Variants in KMT2E observed in about 807,000 individuals in gnomAD.
KMT2E encodes histone reader KMT2E.
In KMT2E, 30 loss-of-function variants were observed where a neutral mutation model predicts 184.6. The ratio of observed to expected loss-of-function variants is 0.16; its 90% CI spans 0.12 to 0.22. The LOEUF (loss-of-function observed/expected upper bound fraction) is 0.22, where lower values mean the gene tolerates loss of function less well. Among genes scored for constraint, KMT2E ranks in the 10% least tolerant of loss-of-function variants. The pLI is 1.00. For missense variants in KMT2E, 2,023 were observed against 2,237.4 expected (o/e 0.90, Z 1.93); for synonymous variants, 815 against 776.5 (o/e 1.05, Z -0.82).
chr7:105,073,361 C>T (rs908604389), intron 6 of KMT2E, among the ~76,000 whole-genome samples: 4 of 148,602 alleles, frequency 2.7e-5, no homozygotes, highest in African/African-American at 5.0e-5. Flanking sequence ...TGCATCACTG[C>T]ACTCCAGCCT....
intron 13 of KMT2E, among the ~76,000 whole-genome samples, chr7:105,087,230 C>T (rs1040122998): frequency 1.4e-5 from 2 of 140,794 alleles, no homozygotes; most frequent in Non-Finnish European, 3.0e-5. Context: ...ATTATATAAG[C>T]ATATATATAA....
At chr7:105,097,524 T>G (rs1798461088) in intron 15 of KMT2E, among the ~76,000 whole-genome samples, 2 of 152,148 alleles carry the variant, frequency 1.3e-5, no homozygotes, top group African/African-American at 2.4e-5. Flanking sequence ...TAGCTGGGAT[T>G]ACAGGTGCCC....
At chr7:105,057,060 C>T (rs1221520109) in intron 3 of KMT2E, among the ~76,000 whole-genome samples, 1 of 152,180 alleles carries the variant, frequency 6.6e-6, no homozygotes, top group African/African-American at 2.4e-5. Flanking sequence ...ATAAGTGCTT[C>T]ATGAATCCTA....
intron 12 of KMT2E, among the ~76,000 whole-genome samples, 173 bp downstream of exon 12, chr7:105,079,136 C>CTT (rs375440773): frequency 5.9e-5 from 8 of 135,710 alleles, no homozygotes; most frequent in East Asian, 2.1e-4. Flanking sequence ...GCTATGAAGT[C>CTT]TTTTTTTTTT....
At chr7:105,068,117 T>TA (rs1416056903) in intron 6 of KMT2E, among the ~76,000 whole-genome samples, 2 of 152,188 alleles carry the variant, frequency 1.3e-5, no homozygotes, top group African/African-American at 4.8e-5. Context: ...TGGTTACCAT[T>TA]ACAGTGTGCA....
intron 3 of KMT2E, among the ~76,000 whole-genome samples, chr7:105,043,463 C>G (rs1372962228): frequency 1.3e-5 from 2 of 151,870 alleles, no homozygotes; most frequent in Non-Finnish European, 2.9e-5. Flanking sequence ...GTCTCGATCT[C>G]CTGACCTCGT....
At chr7:105,077,477 A>T (rs375853116) in intron 11 of KMT2E, 44 bp downstream of exon 11, 1 of 1,519,740 alleles carries the variant, frequency 6.6e-7, no homozygotes, top group Non-Finnish European at 9.0e-7. Context: ...GTAGGTAAAT[A>T]TTGAACTTTT....
At chr7:105,108,420 A>G (rs1799006327) in intron 22 of KMT2E, 1 of 318,290 alleles carries the variant, frequency 3.1e-6, no homozygotes. Context: ...TTTGGTTGGC[A>G]GACATACTGA....
intron 12 of KMT2E, among the ~76,000 whole-genome samples, chr7:105,080,191 G>A (rs1562913655): frequency 6.6e-6 from 1 of 152,144 alleles, no homozygotes; most frequent in East Asian, 1.9e-4. Flanking sequence ...TCTATTTATG[G>A]CTCAATACAT....
intron 12 of KMT2E, among the ~76,000 whole-genome samples, chr7:105,079,936 G>C (rs1182858073): frequency 2.0e-5 from 3 of 151,812 alleles, no homozygotes; most frequent in Admixed American, 2.0e-4. Context: ...TGGGCCTTTA[G>C]GAGGTAAAGT....
chr7:105,114,025 C>T lies in KMT2E; in HGVS notation c.*692C>T, dbSNP rs1426444081. The T allele has an allele frequency of 6.6e-6, 1 of 152,590 alleles. No homozygotes were observed. Among genetic ancestry groups the T allele is most frequent in the Non-Finnish European group, 1.5e-5 (1 of 68,056 alleles). The allele number at this position is 152,590 out of a possible 1,614,324, so 9.5% of individuals were successfully genotyped here. A position where few individuals can be genotyped will look rare whatever the true frequency, so the allele number is the denominator to read the frequency against. On this transcript the variant is annotated 3_prime_UTR_variant, in exon 27 of 27. Transcript: ENST00000311117. Reference sequence around the variant, plus strand: ...CTTTTTTATTTTAAATATACTGTCACACTGAAGCACTGGTTGGGCATTTTA... The same window carrying T: ...CTTTTTTATTTTAAATATACTGTCATACTGAAGCACTGGTTGGGCATTTTA...
At chr7:105,106,859 A>G in intron 20 of KMT2E, 87 bp downstream of exon 20, 2 of 1,278,766 alleles carry the variant, frequency 1.6e-6, no homozygotes, top group South Asian at 2.7e-5. Flanking sequence ...TTTAACAACT[A>G]GTGTGCTGAG....
At chr7:105,045,667 A>G (rs1195733646) in intron 3 of KMT2E, among the ~76,000 whole-genome samples, 1 of 152,168 alleles carries the variant, frequency 6.6e-6, no homozygotes, top group Non-Finnish European at 1.5e-5. Context: ...GTATAGATGT[A>G]CTATATTTTG....
chr7:105,077,230 T>G lies in KMT2E; in HGVS notation c.999+37T>G, dbSNP rs777364544. On this transcript the variant is annotated intron_variant, in intron 10 of 26. Coordinates refer to ENST00000311117, the MANE Select transcript of KMT2E (RefSeq NM_182931.3). ...ATTTGTCCAAAAATTGTAAAGCAGT[T>G]TTATATTGTGAATTTTTAGTTAAAC... 218 of 1,604,616 alleles carry G rather than the reference T, an allele frequency of 1.4e-4. 3 individuals are homozygous for G. The South Asian group carries it at 2.2e-3, about 16-fold the overall frequency.
At position 105,077,055 on chromosome 7, in the gene KMT2E, A is replaced by G; in HGVS notation, c.861A>G (p.Ala287=). ...CATGGATGGATCGATATGAAGAAGCAAATAACAACCAGTACAGTGAGGGTG... is the reference window on the plus strand; with the variant it reads ...CATGGATGGATCGATATGAAGAAGCGAATAACAACCAGTACAGTGAGGGTG... The part of the protein sequence containing the change: ...IKAWMDRYEE[A]NNNQYSEGVQ... The change falls in exon 10 of 27, where the codon GCA becomes GCG. Residue 287 remains alanine, a synonymous_variant. Coordinates refer to ENST00000311117, the MANE Select transcript of KMT2E (RefSeq NM_182931.3). 1 of 1,614,058 alleles carries G rather than the reference A, an allele frequency of 6.2e-7. No homozygotes were observed. Among genetic ancestry groups the G allele is most frequent in the Middle Eastern group, 1.6e-4 (1 of 6,062 alleles).
At chr7:105,019,882 G>A (rs941595518) in intron 1 of KMT2E, among the ~76,000 whole-genome samples, 4 of 152,042 alleles carry the variant, frequency 2.6e-5, no homozygotes, top group Non-Finnish European at 4.4e-5. Context: ...CGAGGCAGGC[G>A]GATCATTTGA....
intron 7 of KMT2E, 86 bp from the exon 8 acceptor site, chr7:105,074,557 C>A: frequency 9.9e-7 from 1 of 1,013,182 alleles, no homozygotes; most frequent in Non-Finnish European, 1.4e-6. Flanking sequence ...ATGGAGACGA[C>A]AATACTTTGT....
rs896824056 is a variant in KMT2E at position 105,025,897 on chromosome 7, A to G, written c.-189+11362A>G. Among the ~76,000 whole-genome samples, 11 of 152,188 alleles carry G rather than the reference A, an allele frequency of 7.2e-5. 1 individual carries two copies. The highest frequency in any genetic ancestry group is 4.1e-4 in the South Asian group (2 of 4,834). On this transcript the variant is annotated intron_variant, in intron 1 of 26. Transcript: ENST00000311117. ...AAAATAGAAATCTAGAAGGAAGTCT[A>G]CATTCAGATTGCCCCACAAAGATCT...
At chr7:105,105,009 A>T (rs1798832883) in intron 17 of KMT2E, 1 of 154,158 alleles carries the variant, frequency 6.5e-6, no homozygotes, top group East Asian at 1.9e-4. Flanking sequence ...TCTGCAAAAT[A>T]CTTTAAAAAT....
Sources: allele counts gnomAD v4.1 joint callset (sites outside exome capture counted in the v4.1 genomes callset), GRCh38; gene constraint gnomAD v4.1.1; transcripts MANE v1.5; gene names NCBI Gene and HGNC (gene_info 2026-07-23, HGNC 2026-07-21).